The following METTL15 variants were observed in gnomAD, a reference collection of about 807,000 sequenced individuals.
METTL15 encodes methyltransferase 15, mitochondrial 12S rRNA N4-cytidine.
A neutral mutation model predicts 38.3 loss-of-function variants in METTL15; 34 were observed. The ratio of observed to expected loss-of-function variants is 0.89; its 90% CI spans 0.68 to 1.18. METTL15 has a LOEUF of 1.18. Among genes scored for constraint, METTL15 ranks in the 50% most tolerant of loss-of-function variants. The probability of loss-of-function intolerance (pLI) is 0.00; values close to 1 mark genes in which losing one functional copy is unlikely to be tolerated. For missense variants in METTL15, 438 were observed against 498.4 expected, an observed-to-expected ratio of 0.88 and a Z score of 1.15; for synonymous variants, 162 against 170.9, an observed-to-expected ratio of 0.95 and a Z score of 0.41.
intron 4 of METTL15, among the ~76,000 whole-genome samples, chr11:28,275,836 G>A (rs1233473049): frequency 3.3e-5 from 5 of 151,888 alleles, no homozygotes; most frequent in South Asian, 2.1e-4. Context: ...ACAGAATGAT[G>A]TACAAAAGCC....
rs1219286445 is a variant in METTL15, at chr11:28,290,230, C to T, written c.432C>T (p.Gly144=). ...LYPKQIRAML[G]QFSQAEALLM... ...GTAAACAAATCCGAGCTATGCTGGGCCAGTTCAGCCAGGCAGAAGCCTTAT... is the reference window on the plus strand; with the variant it reads ...GTAAACAAATCCGAGCTATGCTGGGTCAGTTCAGCCAGGCAGAAGCCTTAT... Residue 144 remains glycine (G), a synonymous_variant, in exon 5 of 7, where the codon GGC becomes GGT. Coordinates refer to ENST00000407364, the MANE Select transcript of METTL15 (RefSeq NM_001113528.2). 2 of 1,612,014 alleles carry T rather than the reference C, an allele frequency of 1.2e-6. No individual in the cohort carries two copies. The highest frequency in any genetic ancestry group is 1.7e-6 in the Non-Finnish European group (2 of 1,178,932).
chr11:28,171,252 C>G (rs779867413), intron 3 of METTL15, among the ~76,000 whole-genome samples: 2 of 152,018 alleles, frequency 1.3e-5, no homozygotes, highest in Admixed American at 6.6e-5. Context: ...AAGTGTCATG[C>G]GGAGAACACT....
intron 6 of METTL15, among the ~76,000 whole-genome samples, chr11:28,497,169 G>A (rs537722982): frequency 6.6e-6 from 1 of 152,346 alleles, no homozygotes; most frequent in East Asian, 1.9e-4. Flanking sequence ...AAATTGTCAT[G>A]GAATGGAGTG....
rs562189118 is a variant in METTL15 at position 28,439,326 on chromosome 11, C to A, written c.*424+14962C>A. 1.7e-4 allele frequency among the ~76,000 whole-genome samples: 26 copies of A among 152,282 alleles called. No individual in the cohort carries two copies. In the East Asian group the frequency reaches 2.9e-3, roughly 17 times the overall value. The stretch of plus-strand genomic sequence containing the variant: ...TAGTTCTGAGAATATCTCCACTAAC[C>A]TTCCTGCTAGCAAAAGAATAATAAA... On this transcript the variant is annotated intron_variant and NMD_transcript_variant, in intron 6 of 7. Coordinates refer to the METTL15 transcript ENST00000532947.
At chr11:28,169,575 C>T (rs1033149526) in intron 3 of METTL15, among the ~76,000 whole-genome samples, 1 of 151,950 alleles carries the variant, frequency 6.6e-6, no homozygotes, top group African/African-American at 2.4e-5. Flanking sequence ...TTTGAAATTC[C>T]TTAGTCATTT....
intron 6 of METTL15, among the ~76,000 whole-genome samples, chr11:28,487,116 C>T (rs1361474048): frequency 6.6e-6 from 1 of 152,056 alleles, no homozygotes; most frequent in African/African-American, 2.4e-5. Flanking sequence ...CATTTATTTG[C>T]ACAGCCTTTC....
At chr11:28,234,570 T>G (rs1159400966) in intron 4 of METTL15, among the ~76,000 whole-genome samples, 6 of 152,008 alleles carry the variant, frequency 3.9e-5, no homozygotes, top group Middle Eastern at 6.8e-3. Context: ...GATGAGCATT[T>G]TTTCATGTGT....
intron 4 of METTL15, among the ~76,000 whole-genome samples, chr11:28,271,816 A>T (rs376821794): frequency 6.6e-6 from 1 of 152,188 alleles, no homozygotes; most frequent in East Asian, 1.9e-4. Flanking sequence ...TTTGCAATCT[A>T]TCCATCTGAC....
At chr11:28,237,344 C>A (rs1413244885) in intron 4 of METTL15, among the ~76,000 whole-genome samples, 1 of 152,130 alleles carries the variant, frequency 6.6e-6, no homozygotes, top group Non-Finnish European at 1.5e-5. Flanking sequence ...CGCTTCATTT[C>A]ATTCATTTCA....
chr11:28,240,275 G>T (rs968841663), intron 4 of METTL15, among the ~76,000 whole-genome samples: 1 of 152,034 alleles, frequency 6.6e-6, no homozygotes, highest in African/African-American at 2.4e-5. Context: ...TACTTTGTTC[G>T]TAAATATTTG....
intron 5 of METTL15, among the ~76,000 whole-genome samples, chr11:28,402,937 A>G (rs1011697479): frequency 5.3e-5 from 8 of 151,438 alleles, no homozygotes; most frequent in African/African-American, 1.9e-4. Flanking sequence ...ATGATATTTG[A>G]CTCTCTGTTT....
chr11:28,345,715 TTAAAA>T (rs1293966120), intron 3 of METTL15, among the ~76,000 whole-genome samples: 6 of 152,068 alleles, frequency 3.9e-5, no homozygotes, highest in Non-Finnish European at 7.4e-5. Context: ...AAGACAGCCT[TTAAAA>T]TAAAATGACC....
chr11:28,419,723 A>G (rs1485973572), intron 5 of METTL15, among the ~76,000 whole-genome samples: 1 of 152,228 alleles, frequency 6.6e-6, no homozygotes, highest in Non-Finnish European at 1.5e-5. Context: ...TTTCAGACAG[A>G]TAATTCAAAA....
chr11:28,275,904 T>A (rs920566628), intron 4 of METTL15, among the ~76,000 whole-genome samples: 1 of 152,090 alleles, frequency 6.6e-6, no homozygotes, highest in Non-Finnish European at 1.5e-5. Context: ...CCTCCCTTCA[T>A]GATAAAAACT....
At chr11:28,457,232 A>G (rs1363748148) in intron 6 of METTL15, among the ~76,000 whole-genome samples, 1 of 152,238 alleles carries the variant, frequency 6.6e-6, no homozygotes, top group Non-Finnish European at 1.5e-5. Context: ...ATGTAAGCCC[A>G]ACATGCAAAT....
chr11:28,434,203 C>T (rs1350099340), intron 6 of METTL15, among the ~76,000 whole-genome samples: 4 of 152,186 alleles, frequency 2.6e-5, no homozygotes, highest in African/African-American at 9.7e-5. Flanking sequence ...TCCCCCTTCA[C>T]TTGGCTCTTA....
At chr11:28,227,182 T>C (rs1408283906) in intron 4 of METTL15, among the ~76,000 whole-genome samples, 1 of 151,886 alleles carries the variant, frequency 6.6e-6, no homozygotes, top group Non-Finnish European at 1.5e-5. Context: ...TCCATAAACA[T>C]GTATTATACC....
chr11:28,263,222 T>C (rs1226761238), intron 4 of METTL15, among the ~76,000 whole-genome samples: 1 of 152,108 alleles, frequency 6.6e-6, no homozygotes, highest in South Asian at 2.1e-4. Flanking sequence ...AGAAATGTCA[T>C]TGATTCATTT....
chr11:28,179,924 A>G (rs947015980), intron 3 of METTL15, among the ~76,000 whole-genome samples: 2 of 151,786 alleles, frequency 1.3e-5, no homozygotes, highest in African/African-American at 4.8e-5. Context: ...CATTGACAAT[A>G]TTTTTTAATG....
Sources: allele counts gnomAD v4.1 joint callset (sites outside exome capture counted in the v4.1 genomes callset), GRCh38; gene constraint gnomAD v4.1.1; transcripts MANE v1.5; gene names NCBI Gene and HGNC (gene_info 2026-07-23, HGNC 2026-07-21).